Variants in CNTN6 observed in about 807,000 individuals in gnomAD.
CNTN6 encodes contactin-6.
CNTN6 carries 137 observed loss-of-function variants against 122.8 expected under a neutral mutation model. That is an observed-to-expected ratio of 1.12 (90% CI 0.97 to 1.29). The LOEUF (loss-of-function observed/expected upper bound fraction) is 1.29. CNTN6 is among the 50% of genes most tolerant of loss of function. The pLI is 0.00. For synonymous variants in CNTN6, 570 were observed against 426.0 expected, an observed-to-expected ratio of 1.34 and a Z score of -4.16; for missense variants, 1,634 against 1,223.4, an observed-to-expected ratio of 1.34 and a Z score of -5.01.
chr3:1,206,822 A>G (rs1439162732), intron 2 of CNTN6, among the ~76,000 whole-genome samples: 1 of 151,980 alleles, frequency 6.6e-6, no homozygotes, highest in African/African-American at 2.4e-5. Flanking sequence ...TAGCTTCCCT[A>G]TTTGTCAAAG....
chr3:1,343,992 A>T (rs13097009), intron 11 of CNTN6, among the ~76,000 whole-genome samples: 2 of 152,182 alleles, frequency 1.3e-5, no homozygotes, highest in African/African-American at 4.8e-5. Flanking sequence ...AAAGTACAAG[A>T]CAGTAAAATG....
intron 2 of CNTN6, among the ~76,000 whole-genome samples, chr3:1,195,653 C>T (rs953282205): frequency 2.0e-5 from 3 of 152,130 alleles, no homozygotes; most frequent in Non-Finnish European, 4.4e-5. Flanking sequence ...TGTTTAGGCT[C>T]CACCTGATTC....
intron 2 of CNTN6, among the ~76,000 whole-genome samples, chr3:1,160,307 CATTA>C (rs1214998671): frequency 7.0e-6 from 1 of 142,884 alleles, no homozygotes. Context: ...GAAGGGTAGC[CATTA>C]TCTGACTTCT....
rs753710995 is a variant in CNTN6 at position 1,402,320 on chromosome 3, T to A, written c.2820T>A (p.Ile940=). The A allele has an allele frequency of 2.1e-5, 34 of 1,606,346 alleles. No homozygotes were observed. In the South Asian group the frequency reaches 3.6e-4, roughly 17 times the overall value. ...ACTTGATACCTCATTTTATTCAGAT[T>A]CTGTACCGGCAAAACAGACAGAGTA... ...ENESEVLGYK[I]LYRQNRQSKT... The change falls in exon 22 of 23, where the codon ATT becomes ATA. Residue 940 remains isoleucine (I), a splice_region_variant and synonymous_variant. Transcript: ENST00000446702.
At chr3:1,186,221 G>A (rs2093626190) in intron 2 of CNTN6, among the ~76,000 whole-genome samples, 1 of 152,156 alleles carries the variant, frequency 6.6e-6, no homozygotes, top group Non-Finnish European at 1.5e-5. Context: ...TGTTAGAATT[G>A]AGTCACAGAG....
chr3:1,309,698 T>TTAAA (rs1316452171), intron 7 of CNTN6, among the ~76,000 whole-genome samples: 1 of 152,200 alleles, frequency 6.6e-6, no homozygotes, highest in African/African-American at 2.4e-5. Flanking sequence ...TGGGATTGAC[T>TTAAA]TAAATCTATT....
At chr3:1,391,239 G>C (rs1463624354) in intron 20 of CNTN6, among the ~76,000 whole-genome samples, 1 of 112,114 alleles carries the variant, frequency 8.9e-6, no homozygotes, top group Non-Finnish European at 1.8e-5. Flanking sequence ...GGGATGCAAG[G>C]CTGGTTCAAT....
intron 1 of CNTN6, among the ~76,000 whole-genome samples, chr3:1,111,289 A>G (rs2091468670): frequency 6.6e-6 from 1 of 152,186 alleles, no homozygotes; most frequent in South Asian, 2.1e-4. Flanking sequence ...AGTTCAAATT[A>G]GTAACAATCA....
At chr3:1,369,994 T>C (rs934766177) in intron 12 of CNTN6, among the ~76,000 whole-genome samples, 1 of 152,096 alleles carries the variant, frequency 6.6e-6, no homozygotes, top group African/African-American at 2.4e-5. Context: ...GTCTAAAGTA[T>C]ATAAAGTAAT....
intron 1 of CNTN6, among the ~76,000 whole-genome samples, chr3:1,101,636 T>C (rs1156599795): frequency 2.0e-5 from 3 of 152,198 alleles, no homozygotes; most frequent in African/African-American, 7.2e-5. Flanking sequence ...TCTGGAAACA[T>C]TGTCAAGTCT....
chr3:1,341,025 T>A lies in CNTN6; in HGVS notation c.1364+11090T>A, dbSNP rs369388497. On this transcript the variant is annotated intron_variant, in intron 11 of 22. Transcript: ENST00000446702. The stretch of plus-strand genomic sequence containing the variant: ...TTACATTTATAAAACTTCAAAGCCC[T>A]GAGGAAATCACACAATAGGTTCATA... 4.6e-5 allele frequency among the ~76,000 whole-genome samples: 7 copies of A among 152,218 alleles called. No homozygotes were observed. The East Asian group carries it at 1.4e-3, about 29-fold the overall frequency.
intron 2 of CNTN6, among the ~76,000 whole-genome samples, chr3:1,167,254 ATGAC>A (rs1476406707): frequency 1.3e-5 from 2 of 152,156 alleles, no homozygotes; most frequent in Non-Finnish European, 2.9e-5. Context: ...TACATACTGC[ATGAC>A]AAATGATACA....
At chr3:1,310,925 C>T (rs1451748426) in intron 7 of CNTN6, among the ~76,000 whole-genome samples, 2 of 151,882 alleles carry the variant, frequency 1.3e-5, no homozygotes, top group African/African-American at 2.4e-5. Context: ...CGCTTGAACC[C>T]GGGAGGCAGA....
intron 1 of CNTN6, among the ~76,000 whole-genome samples, chr3:1,105,905 T>C (rs571555332): frequency 1.1e-4 from 17 of 152,268 alleles, no homozygotes; most frequent in African/African-American, 3.4e-4. Flanking sequence ...GTCATCTAAA[T>C]CTAATGGTGA....
At chr3:1,303,018 A>AGCTATGTT (rs1352228270) in intron 7 of CNTN6, among the ~76,000 whole-genome samples, 3 of 151,770 alleles carry the variant, frequency 2.0e-5, no homozygotes, top group Non-Finnish European at 2.9e-5. Flanking sequence ...TTCCCCCCTT[A>AGCTATGTT]GCTATGTTCA....
At chr3:1,286,941 C>G (rs916397389) in intron 5 of CNTN6, among the ~76,000 whole-genome samples, 1 of 152,102 alleles carries the variant, frequency 6.6e-6, no homozygotes, top group Non-Finnish European at 1.5e-5. Context: ...ATAAAACAGA[C>G]TTTAAACCAA....
intron 2 of CNTN6, among the ~76,000 whole-genome samples, chr3:1,157,304 G>C (rs2092996590): frequency 6.6e-6 from 1 of 151,860 alleles, no homozygotes; most frequent in Non-Finnish European, 1.5e-5. Context: ...TGCAACCTCT[G>C]CCTCCCAGGT....
chr3:1,145,312 C>G (rs2092701952), intron 1 of CNTN6, among the ~76,000 whole-genome samples: 1 of 152,064 alleles, frequency 6.6e-6, no homozygotes, highest in Non-Finnish European at 1.5e-5. Flanking sequence ...GAATTTTTTA[C>G]AAAATATTAT....
At chr3:1,234,788 A>G (rs1346699789) in intron 4 of CNTN6, among the ~76,000 whole-genome samples, 5 of 152,198 alleles carry the variant, frequency 3.3e-5, no homozygotes, top group Non-Finnish European at 5.9e-5. Flanking sequence ...TGATTTTTTC[A>G]GTATCATTTG....
Sources: allele counts gnomAD v4.1 joint callset (sites outside exome capture counted in the v4.1 genomes callset), GRCh38; gene constraint gnomAD v4.1.1; transcripts MANE v1.5; gene names NCBI Gene and HGNC (gene_info 2026-07-23, HGNC 2026-07-21).